Variants in ZNF100 observed in about 807,000 individuals in gnomAD.
The protein encoded by ZNF100 is zinc finger protein 100 (Y1).
Under a neutral mutation model 15.8 loss-of-function variants are expected in ZNF100, and 12 were observed. The ratio of observed to expected loss-of-function variants is 0.76; its 90% CI spans 0.49 to 1.23. The LOEUF is 1.23. Among genes scored for constraint, ZNF100 ranks in the 50% most tolerant of loss-of-function variants. The pLI, the probability that ZNF100 is intolerant of heterozygous loss-of-function variation, is 0.00. For synonymous variants in ZNF100, 226 were observed against 214.8 expected (o/e 1.05, Z -0.45); for missense variants, 670 against 635.6 (o/e 1.05, Z -0.58).
intron 4 of ZNF100, among the ~76,000 whole-genome samples, chr19:21,735,900 T>A (rs2036000895): frequency 6.6e-6 from 1 of 152,096 alleles, no homozygotes; most frequent in Non-Finnish European, 1.5e-5. Context: ...ACCATTCTCC[T>A]GCCTCAGCCT....
chr19:21,756,125 A>G (rs1169771886), intron 2 of ZNF100, among the ~76,000 whole-genome samples: 1 of 152,198 alleles, frequency 6.6e-6, no homozygotes, highest in African/African-American at 2.4e-5. Flanking sequence ...AAACCACATG[A>G]TTATTTCAAT....
chr19:21,756,303 A>G (rs911998884), intron 2 of ZNF100, among the ~76,000 whole-genome samples: 35 of 152,204 alleles, frequency 2.3e-4, no homozygotes, highest in African/African-American at 8.4e-4. Flanking sequence ...GAAAACTGGC[A>G]CAAGACAAGG....
chr19:21,765,634 T>C, intron 2 of ZNF100, 60 bp downstream of exon 2: 1 of 1,507,078 alleles, frequency 6.6e-7, no homozygotes. Flanking sequence ...ACCAGCAACG[T>C]GTCTCCAAGA....
intron 4 of ZNF100, among the ~76,000 whole-genome samples, chr19:21,742,656 A>T (rs1157745485): frequency 6.6e-6 from 1 of 152,126 alleles, no homozygotes; most frequent in Non-Finnish European, 1.5e-5. Context: ...AAACATTTTT[A>T]AAAAGCCACT....
At chr19:21,745,461 T>C (rs1015943763) in intron 2 of ZNF100, among the ~76,000 whole-genome samples, 1 of 152,146 alleles carries the variant, frequency 6.6e-6, no homozygotes, top group African/African-American at 2.4e-5. Flanking sequence ...CTGGAAATCT[T>C]GTGCAGATTT....
chr19:21,739,363 G>A (rs1422908999), intron 4 of ZNF100, among the ~76,000 whole-genome samples: 3 of 152,158 alleles, frequency 2.0e-5, no homozygotes, highest in African/African-American at 4.8e-5. Context: ...TAAGACCAGT[G>A]TCAGTAACAT....
intron 4 of ZNF100, among the ~76,000 whole-genome samples, chr19:21,736,060 T>C (rs1346724404): frequency 1.3e-5 from 2 of 152,124 alleles, no homozygotes; most frequent in Non-Finnish European, 2.9e-5. Context: ...AGTGCTGGCA[T>C]TACAGGCGTG....
Position 21,742,111 on chromosome 19 carries a change from C to T in ZNF100, c.322+1906G>A, listed in dbSNP as rs144578810. ...AGGAATTCAAGACTAACCTGGAGAACATGGTGAAACTCTGTCTCTTCTAAC... is the reference window on the plus strand; with the variant it reads ...AGGAATTCAAGACTAACCTGGAGAATATGGTGAAACTCTGTCTCTTCTAAC... On this transcript the variant is annotated intron_variant, in intron 4 of 4. Transcript: ENST00000358296. Among the ~76,000 whole-genome samples, 19 of 152,158 alleles carry T rather than the reference C, an allele frequency of 1.2e-4. 1 individual carries two copies. The highest frequency in any genetic ancestry group is 2.5e-4 in the Non-Finnish European group (17 of 68,010).
rs1204030912 is a variant in ZNF100 at position 21,764,291 on chromosome 19, G to A, written c.96+1403C>T. Reference sequence around the variant, plus strand: ...TGTCTGAAAAATCCAGCAAAATGCAGTGTTCATATAAGGGAAGGGAATTTT... The same window carrying A: ...TGTCTGAAAAATCCAGCAAAATGCAATGTTCATATAAGGGAAGGGAATTTT... On this transcript the variant is annotated intron_variant, in intron 2 of 4. Transcript: ENST00000358296. Among the ~76,000 whole-genome samples the A allele has an allele frequency of 2.0e-5, 3 of 152,294 alleles. No homozygotes were observed. The East Asian group carries it at 5.8e-4, about 29-fold the overall frequency.
intron 2 of ZNF100, among the ~76,000 whole-genome samples, chr19:21,759,149 G>A (rs1053118927): frequency 6.6e-6 from 1 of 152,054 alleles, no homozygotes; most frequent in African/African-American, 2.4e-5. Flanking sequence ...TATGTTTCTG[G>A]GCTACTGTTT....
In ZNF100 at chr19:21,724,515, TTTA is replaced by T. The variant is rs1156358235; in HGVS notation, c.*2165_*2167del. The stretch of plus-strand genomic sequence containing the variant: ...GATTTTATTATACTTCTACATAACT[TTTA>T]TTATGACCATAAAAATAACACTGTA... On this transcript the variant is annotated 3_prime_UTR_variant, in exon 5 of 5. Transcript: ENST00000358296. 6.6e-6 allele frequency: 1 copy of T among 152,124 alleles called. No homozygotes were observed. Among genetic ancestry groups the T allele is most frequent in the African/African-American group, 2.4e-5 (1 of 41,430 alleles). 9.4% of individuals were successfully genotyped at this position (152,124 alleles called of 1,614,324 possible).
At chr19:21,764,598 C>T (rs1395928481) in intron 2 of ZNF100, among the ~76,000 whole-genome samples, 2 of 151,484 alleles carry the variant, frequency 1.3e-5, no homozygotes, top group African/African-American at 4.9e-5. Flanking sequence ...CAAGATGGTG[C>T]CATTGCCCTC....
chr19:21,763,310 G>T (rs2036509906), intron 2 of ZNF100, among the ~76,000 whole-genome samples: 1 of 148,796 alleles, frequency 6.7e-6, no homozygotes, highest in Admixed American at 6.8e-5. Flanking sequence ...AAAAAAAATT[G>T]GCTAAGGCTG....
At position 21,726,704 on chromosome 19, in the gene ZNF100, C is replaced by T. The variant is rs2035793193; in HGVS notation, c.1608G>A (p.Trp536Ter). Residue 536 changes from tryptophan (W) to a stop codon, truncating the protein, a stop_gained, in exon 5 of 5, where the codon TGG (tryptophan) becomes TGA (stop). Transcript: ENST00000358296. LOFTEE classifies it high-confidence loss of function. The stretch of plus-strand genomic sequence containing the variant: ...TTTTTCACATTTGTAGGGTTTCTCT[C>T]CAGTATGAGTTATTTTGTTTAATAA... The part of the protein sequence containing the change: ...LSLIKQNNSY[W>*]RETLQM 6.2e-7 allele frequency: 1 copy of T among 1,608,902 alleles called. No homozygotes were observed. The highest frequency in any genetic ancestry group is 1.3e-5 in the African/African-American group (1 of 74,786).
intron 2 of ZNF100, among the ~76,000 whole-genome samples, chr19:21,758,995 T>C (rs563470036): frequency 2.0e-5 from 3 of 152,266 alleles, no homozygotes; most frequent in African/African-American, 7.2e-5. Flanking sequence ...GTTTGCTGAA[T>C]ACCAAGCAAT....
At chr19:21,758,568 G>T (rs891002421) in intron 2 of ZNF100, among the ~76,000 whole-genome samples, 5 of 152,190 alleles carry the variant, frequency 3.3e-5, no homozygotes, top group Non-Finnish European at 2.9e-5. Flanking sequence ...CCCTAGGCTG[G>T]TGGAGAAAAC....
At chr19:21,761,226 T>C (rs2036478906) in intron 2 of ZNF100, among the ~76,000 whole-genome samples, 1 of 152,192 alleles carries the variant, frequency 6.6e-6, no homozygotes, top group African/African-American at 2.4e-5. Flanking sequence ...AAAAAACTAT[T>C]CTTTTGAACT....
intron 2 of ZNF100, among the ~76,000 whole-genome samples, chr19:21,764,404 G>T (rs879645315): frequency 2.0e-5 from 3 of 152,080 alleles, no homozygotes; most frequent in Non-Finnish European, 2.9e-5. Context: ...AGCACTTCGG[G>T]AGGCCAAGGC....
chr19:21,742,302 CAAAAA>C (rs35299156), intron 4 of ZNF100, among the ~76,000 whole-genome samples: 1 of 65,706 alleles, frequency 1.5e-5, no homozygotes. Context: ...GTCCCCCACC[CAAAAA>C]AAAAAAAAAA....
Sources: allele counts gnomAD v4.1 joint callset (sites outside exome capture counted in the v4.1 genomes callset), GRCh38; gene constraint gnomAD v4.1.1; transcripts MANE v1.5; gene names NCBI Gene and HGNC (gene_info 2026-07-23, HGNC 2026-07-21).